Variants in GRID2 observed in about 807,000 individuals in gnomAD.
GRID2 encodes the protein glutamate ionotropic receptor delta type subunit 2.
Under a neutral mutation model 114.8 loss-of-function variants are expected in GRID2, and 33 were observed. The ratio of observed to expected loss-of-function variants is 0.29; its 90% CI spans 0.22 to 0.38. GRID2 has a LOEUF of 0.38. Among genes scored for constraint, GRID2 ranks in the 10% least tolerant of loss-of-function variants. The pLI is 1.00. For synonymous variants in GRID2, 505 were observed against 449.9 expected, an observed-to-expected ratio of 1.12 and a Z score of -1.55; for missense variants, 1,184 against 1,257.7, an observed-to-expected ratio of 0.94 and a Z score of 0.89.
At chr4:93,212,205 A>G (rs1743605426) in intron 5 of GRID2, among the ~76,000 whole-genome samples, 1 of 152,132 alleles carries the variant, frequency 6.6e-6, no homozygotes, top group African/African-American at 2.4e-5. Flanking sequence ...TGTAGCTATT[A>G]TTTTGTTGCT....
chr4:92,991,980 G>C (rs985891487), intron 2 of GRID2, among the ~76,000 whole-genome samples: 3 of 152,054 alleles, frequency 2.0e-5, no homozygotes, highest in African/African-American at 7.2e-5. Flanking sequence ...GGGAATAAGA[G>C]GTACATTGGC....
chr4:92,672,067 T>C (rs1733101330), intron 2 of GRID2, among the ~76,000 whole-genome samples: 1 of 152,102 alleles, frequency 6.6e-6, no homozygotes, highest in African/African-American at 2.4e-5. Flanking sequence ...TAATATTATA[T>C]CATAAAAGAT....
intron 1 of GRID2, among the ~76,000 whole-genome samples, chr4:92,353,910 T>G (rs943096451): frequency 3.3e-5 from 5 of 152,038 alleles, no homozygotes. Flanking sequence ...TGCCAAAGCC[T>G]TAAGCTGTCT....
At chr4:93,726,968 A>G (rs1304360644) in intron 14 of GRID2, among the ~76,000 whole-genome samples, 2 of 152,112 alleles carry the variant, frequency 1.3e-5, no homozygotes, top group Non-Finnish European at 2.9e-5. Flanking sequence ...CTAAGTGAAT[A>G]CCCCTTATTT....
At chr4:92,828,631 C>G (rs562227842) in intron 2 of GRID2, among the ~76,000 whole-genome samples, 1 of 152,042 alleles carries the variant, frequency 6.6e-6, no homozygotes, top group Non-Finnish European at 1.5e-5. Context: ...TAACTAATTA[C>G]AGATGATAAC....
chr4:92,355,765 G>C (rs1728288544), intron 1 of GRID2, among the ~76,000 whole-genome samples: 1 of 151,730 alleles, frequency 6.6e-6, no homozygotes, highest in Admixed American at 6.6e-5. Context: ...TGAAGGGTTT[G>C]CCTGTTCTCT....
intron 1 of GRID2, among the ~76,000 whole-genome samples, chr4:92,509,877 C>T (rs1445575669): frequency 6.6e-6 from 1 of 151,872 alleles, no homozygotes. Flanking sequence ...GAAAAATGTG[C>T]ATTCCAAGGG....
intron 13 of GRID2, among the ~76,000 whole-genome samples, chr4:93,532,284 A>T (rs1324189639): frequency 6.6e-6 from 1 of 152,140 alleles, no homozygotes; most frequent in Non-Finnish European, 1.5e-5. Flanking sequence ...TAGTGTAAAG[A>T]TGTAGTGTTT....
intron 14 of GRID2, among the ~76,000 whole-genome samples, chr4:93,703,599 C>T (rs1163253592): frequency 6.6e-6 from 1 of 151,182 alleles, no homozygotes; most frequent in Non-Finnish European, 1.5e-5. Context: ...CACCCAGTAA[C>T]TCGTCATTTA....
chr4:92,487,760 TG>T (rs1722964988), intron 1 of GRID2, among the ~76,000 whole-genome samples: 12 of 152,004 alleles, frequency 7.9e-5, no homozygotes, highest in Admixed American at 7.9e-4. Flanking sequence ...GTTTTTTGTT[TG>T]TTTGTTTGTT....
At chr4:92,941,066 G>A (rs1200751927) in intron 2 of GRID2, among the ~76,000 whole-genome samples, 2 of 152,226 alleles carry the variant, frequency 1.3e-5, no homozygotes, top group East Asian at 1.9e-4. Flanking sequence ...TTGGTATCAG[G>A]ATGATGCTGG....
chr4:93,588,250 CATT>C (rs1329214417), intron 13 of GRID2, among the ~76,000 whole-genome samples: 1 of 151,954 alleles, frequency 6.6e-6, no homozygotes, highest in Non-Finnish European at 1.5e-5. Context: ...GAGAGACAGA[CATT>C]ATTTTTAAAT....
intron 4 of GRID2, among the ~76,000 whole-genome samples, chr4:93,189,424 C>T (rs1425521931): frequency 6.6e-6 from 1 of 152,058 alleles, no homozygotes; most frequent in Admixed American, 6.6e-5. Context: ...TAATCCTACT[C>T]ATGACGGTTA....
intron 2 of GRID2, among the ~76,000 whole-genome samples, chr4:92,905,343 TA>T (rs899962791): frequency 6.6e-6 from 1 of 152,038 alleles, no homozygotes; most frequent in Admixed American, 6.6e-5. Context: ...GCTGTGGCTC[TA>T]AAAAAATCAA....
intron 1 of GRID2, among the ~76,000 whole-genome samples, chr4:92,473,338 A>AT (rs1192795192): frequency 3.3e-5 from 5 of 151,866 alleles, no homozygotes. Flanking sequence ...CTTCTGTTGG[A>AT]TTTTCTTCTT....
chr4:92,791,913 C>T (rs1338194369), intron 2 of GRID2, among the ~76,000 whole-genome samples: 1 of 151,694 alleles, frequency 6.6e-6, no homozygotes, highest in African/African-American at 2.4e-5. Context: ...AGTGTAGGGC[C>T]TCATGCAGCA....
intron 2 of GRID2, among the ~76,000 whole-genome samples, chr4:92,713,186 T>G (rs996689348): frequency 6.6e-5 from 10 of 150,456 alleles, no homozygotes; most frequent in African/African-American, 2.4e-4. Context: ...GTGATGTTCA[T>G]AGGTGGGAAT....
chr4:92,791,451 T>G (rs1739587074), intron 2 of GRID2, among the ~76,000 whole-genome samples: 1 of 151,896 alleles, frequency 6.6e-6, no homozygotes, highest in African/African-American at 2.4e-5. Context: ...ATATAATTTT[T>G]ATGATTAGTT....
At chr4:93,500,709 T>C (rs978108126) in intron 12 of GRID2, among the ~76,000 whole-genome samples, 4 of 152,032 alleles carry the variant, frequency 2.6e-5, no homozygotes, top group Admixed American at 6.6e-5. Context: ...GGAAGAATGA[T>C]TCACTCTGTT....
Sources: gnomAD v4.1 joint callset for allele counts (sites outside exome capture counted in the v4.1 genomes callset) on GRCh38, gnomAD v4.1.1 for gene constraint, MANE v1.5 for transcripts, NCBI Gene and HGNC (gene_info 2026-07-23, HGNC 2026-07-21) for gene names.